FOXN3: variants seen among roughly 807,000 people sequenced by gnomAD.
FOXN3 encodes the protein forkhead box protein N3.
In FOXN3, 7 loss-of-function variants were observed where a neutral mutation model predicts 38.4. That is an observed-to-expected ratio of 0.18 (90% CI 0.10 to 0.34). The LOEUF is 0.34. Among genes scored for constraint, FOXN3 ranks in the 10% least tolerant of loss-of-function variants. The pLI, the probability that FOXN3 is intolerant of heterozygous loss-of-function variation, is 1.00. For synonymous variants in FOXN3, 230 were observed against 242.2 expected, an observed-to-expected ratio of 0.95 and a Z score of 0.47; for missense variants, 456 against 613.4, an observed-to-expected ratio of 0.74 and a Z score of 2.71.
intron 1 of FOXN3, among the ~76,000 whole-genome samples, chr14:89,437,372 A>G (rs1298035564): frequency 6.6e-6 from 1 of 152,064 alleles, no homozygotes; most frequent in African/African-American, 2.4e-5. Context: ...CTTAACCTGA[A>G]CCTGGGCCCA....
At chr14:89,404,504 CAAAAAAA>C (rs71130075) in intron 2 of FOXN3, among the ~76,000 whole-genome samples, 7 of 61,034 alleles carry the variant, frequency 1.1e-4, no homozygotes, top group East Asian at 1.1e-3. Context: ...GACTCTGTCT[CAAAAAAA>C]AAAAAAAAAA....
chr14:89,558,696 A>C (rs939722668), intron 1 of FOXN3, among the ~76,000 whole-genome samples: 1 of 152,222 alleles, frequency 6.6e-6, no homozygotes, highest in Non-Finnish European at 1.5e-5. Context: ...CCCACCCCTC[A>C]GGGAAGGTGG....
At chr14:89,545,291 C>T (rs146165720) in intron 1 of FOXN3, among the ~76,000 whole-genome samples, 1 of 152,346 alleles carries the variant, frequency 6.6e-6, no homozygotes, top group African/African-American at 2.4e-5. Context: ...TCTTTGCAAC[C>T]CTGAACCTGG....
chr14:89,170,158 G>A (rs1335193946), intron 5 of FOXN3, among the ~76,000 whole-genome samples: 1 of 152,166 alleles, frequency 6.6e-6, no homozygotes, highest in Non-Finnish European at 1.5e-5. Context: ...AACCCATCAG[G>A]AAGATAAAAC....
chr14:89,386,086 C>T (rs372530074), intron 2 of FOXN3, among the ~76,000 whole-genome samples: 2 of 151,998 alleles, frequency 1.3e-5, no homozygotes, highest in African/African-American at 2.4e-5. Flanking sequence ...AGGTTTGACA[C>T]GCAAATGCCT....
chr14:89,209,747 C>T (rs551211265), intron 4 of FOXN3, among the ~76,000 whole-genome samples: 2 of 152,322 alleles, frequency 1.3e-5, no homozygotes, highest in African/African-American at 4.8e-5. Flanking sequence ...CATGTCACTA[C>T]TAAGAAATAT....
Position 89,164,357 on chromosome 14 carries a change from T to C in FOXN3, c.852-1388A>G, listed in dbSNP as rs1887184408. The stretch of plus-strand genomic sequence containing the variant: ...AATTTGGCAGGGATGGGAACTGTTC[T>C]ATGGCACCATGCTGGCCCGGTTTCC... On this transcript the variant is annotated intron_variant, in intron 5 of 5. Transcript: ENST00000557258. The surrounding 1 kb of genome is among the most constrained non-coding windows in gnomAD (Gnocchi z 4.3). Among the ~76,000 whole-genome samples, 1 of 152,214 alleles carries C rather than the reference T, an allele frequency of 6.6e-6. No homozygotes were observed. The highest frequency in any genetic ancestry group is 1.5e-5 in the Non-Finnish European group (1 of 68,032).
intron 1 of FOXN3, among the ~76,000 whole-genome samples, chr14:89,463,114 C>G (rs1892887464): frequency 6.6e-6 from 1 of 151,298 alleles, no homozygotes. Context: ...ACGGTGAAAC[C>G]CCGTCTCTAC....
chr14:89,585,829 C>T, intron 1 of FOXN3, among the ~76,000 whole-genome samples: 1 of 150,260 alleles, frequency 6.7e-6, no homozygotes, highest in Non-Finnish European at 1.5e-5. Flanking sequence ...TAGTAAATTA[C>T]ATAGTATGCT....
chr14:89,436,774 C>T lies in FOXN3; in HGVS notation c.-14-24284G>A, dbSNP rs114469218. On this transcript the variant is annotated intron_variant, in intron 1 of 6. Coordinates refer to the FOXN3 transcript ENST00000345097. ...AACAACAAAGAAAGCCATAGTTTGACAAGTTTAGAGGCCAGATTTGATAGG... is the reference window on the plus strand; with the variant it reads ...AACAACAAAGAAAGCCATAGTTTGATAAGTTTAGAGGCCAGATTTGATAGG... Among the ~76,000 whole-genome samples, 469 of 152,330 alleles carry T rather than the reference C, an allele frequency of 3.1e-3. 3 individuals carry two copies. The highest frequency in any genetic ancestry group is 0.011 in the African/African-American group (452 of 41,580).
At chr14:89,398,828 A>T (rs576335015) in intron 2 of FOXN3, among the ~76,000 whole-genome samples, 60 of 152,312 alleles carry the variant, frequency 3.9e-4, no homozygotes, top group Admixed American at 1.8e-3. Context: ...TCTACTAAAA[A>T]TACAAAATTA....
intron 2 of FOXN3, among the ~76,000 whole-genome samples, chr14:89,382,994 A>G (rs1890693291): frequency 6.7e-6 from 1 of 148,288 alleles, no homozygotes; most frequent in Non-Finnish European, 1.5e-5. Flanking sequence ...AGAACACTCA[A>G]GCAGTTTTGT....
At chr14:89,499,805 T>C (rs1446327896) in intron 1 of FOXN3, among the ~76,000 whole-genome samples, 2 of 152,208 alleles carry the variant, frequency 1.3e-5, no homozygotes, top group African/African-American at 4.8e-5. Flanking sequence ...CCTCTTTTTC[T>C]TTCTTGTCCT....
At chr14:89,444,047 C>A (rs1892446577) in intron 1 of FOXN3, among the ~76,000 whole-genome samples, 1 of 138,968 alleles carries the variant, frequency 7.2e-6, no homozygotes. Flanking sequence ...TGGAAGCAGA[C>A]TATGAAGAAA....
At chr14:89,463,784 CTT>C (rs33993052) in intron 1 of FOXN3, among the ~76,000 whole-genome samples, 37,476 of 138,506 alleles carry the variant, frequency 0.27, 6,179 homozygotes, top group Non-Finnish European at 0.36. Context: ...GTCTCTCTCT[CTT>C]TTTTTTTTTT....
At chr14:89,187,297 A>T (rs1457798688) in intron 4 of FOXN3, among the ~76,000 whole-genome samples, 2 of 152,184 alleles carry the variant, frequency 1.3e-5, no homozygotes, top group East Asian at 3.9e-4. Context: ...CAGCCATAGC[A>T]CCAGCCCACG....
chr14:89,549,487 T>A (rs1471612613), intron 1 of FOXN3, among the ~76,000 whole-genome samples: 6 of 152,110 alleles, frequency 3.9e-5, no homozygotes, highest in Middle Eastern at 6.8e-3. Flanking sequence ...AGCAGAGCCC[T>A]CTCTGGCCCC....
intron 1 of FOXN3, among the ~76,000 whole-genome samples, chr14:89,434,221 CTT>C (rs1197630812): frequency 3.8e-4 from 47 of 124,626 alleles, no homozygotes; most frequent in Admixed American, 5.0e-4. Context: ...CTGCGCAAGC[CTT>C]TTTTTTTTTT....
intron 1 of FOXN3, among the ~76,000 whole-genome samples, chr14:89,467,214 A>G (rs1257918454): frequency 1.3e-5 from 2 of 152,090 alleles, no homozygotes; most frequent in East Asian, 3.9e-4. Flanking sequence ...CCGGCAGGAC[A>G]AGCCCACATC....
Sources: allele counts gnomAD v4.1 joint callset (sites outside exome capture counted in the v4.1 genomes callset), GRCh38; gene constraint gnomAD v4.1.1; non-coding constraint Gnocchi (gnomAD v3.1); transcripts MANE v1.5; gene names NCBI Gene and HGNC (gene_info 2026-07-23, HGNC 2026-07-21).